NUP98: variants seen among roughly 807,000 people sequenced by gnomAD.
The protein encoded by NUP98 is nucleoporin 98 and 96 precursor, also known as nuclear pore complex protein Nup98-Nup96.
In NUP98, 26 loss-of-function variants were observed where a neutral mutation model predicts 191.9. That is an observed-to-expected ratio of 0.14 (90% CI 0.10 to 0.19). NUP98 has a LOEUF of 0.19. Ranked by LOEUF, NUP98 falls within the 10% of genes least tolerant of loss-of-function variation. The pLI, the probability that NUP98 is intolerant of heterozygous loss-of-function variation, is 1.00. For synonymous variants in NUP98, 808 were observed against 778.4 expected (o/e 1.04, Z -0.63); for missense variants, 1,941 against 2,178.8 (o/e 0.89, Z 2.17).
At chr11:3,735,998 C>G (rs1328821701) in intron 12 of NUP98, among the ~76,000 whole-genome samples, 1 of 150,890 alleles carries the variant, frequency 6.6e-6, no homozygotes, top group Non-Finnish European at 1.5e-5. Context: ...TGCCTCCAGG[C>G]TCAAGTGATC....
At chr11:3,717,258 G>C (rs1171710669) in intron 18 of NUP98, among the ~76,000 whole-genome samples, 2 of 151,932 alleles carry the variant, frequency 1.3e-5, no homozygotes, top group African/African-American at 2.4e-5. Context: ...TAGGCCTCCC[G>C]AAGTGCTGGG....
chr11:3,711,568 C>T (rs112510725), intron 20 of NUP98: 10,497 of 153,292 alleles, frequency 0.068, 378 homozygotes, highest in Middle Eastern at 0.1. Flanking sequence ...CTCAGAAATA[C>T]ATATATTTAT....
At chr11:3,726,450 C>G (rs892083554) in intron 14 of NUP98, among the ~76,000 whole-genome samples, 1 of 140,190 alleles carries the variant, frequency 7.1e-6, no homozygotes, top group Admixed American at 7.2e-5. Flanking sequence ...CCTGGTCAAA[C>G]AGAAAAAGAG....
At chr11:3,696,020 C>T (rs943067595) in intron 25 of NUP98, among the ~76,000 whole-genome samples, 2 of 151,742 alleles carry the variant, frequency 1.3e-5, no homozygotes, top group South Asian at 2.1e-4. Context: ...GGTGAAACCC[C>T]GTCCCTACTA....
chr11:3,753,392 G>A lies in NUP98; in HGVS notation c.1191C>T (p.Thr397=), dbSNP rs757685415. 2 of 1,613,290 alleles carry A rather than the reference G, an allele frequency of 1.2e-6. No individual in the cohort carries two copies. The highest frequency in any genetic ancestry group is 2.2e-5 in the East Asian group (1 of 44,856). ...SGGLFGFGTN[T]SGNSIFGSKP... The stretch of plus-strand genomic sequence containing the variant: ...TACTTCCAAAAATACTATTCCCACT[G>A]GTATTTGTGCCAAAACCTAGGAAGA... Residue 397 remains threonine, a synonymous_variant, in exon 11 of 33, where the codon ACC becomes ACT. Coordinates refer to ENST00000324932, the MANE Select transcript of NUP98 (RefSeq NM_016320.5).
At chr11:3,746,175 A>G (rs1183918602) in intron 11 of NUP98, among the ~76,000 whole-genome samples, 1 of 150,272 alleles carries the variant, frequency 6.7e-6, no homozygotes, top group Admixed American at 6.7e-5. Context: ...AGGCTGAGGC[A>G]GGAGAATCGC....
chr11:3,689,301 C>T (rs1052490057), intron 28 of NUP98, among the ~76,000 whole-genome samples: 1 of 151,938 alleles, frequency 6.6e-6, no homozygotes, highest in African/African-American at 2.4e-5. Flanking sequence ...CTGAGGTGGG[C>T]AGATCACGAG....
chr11:3,790,453 C>T (rs1236423531), intron 1 of NUP98, among the ~76,000 whole-genome samples: 1 of 152,072 alleles, frequency 6.6e-6, no homozygotes, highest in Non-Finnish European at 1.5e-5. Context: ...CCCAAAGACC[C>T]CTAAAAGTCC....
At position 3,797,524 on chromosome 11, in the gene NUP98, T is replaced by C. The variant is rs971748882; in HGVS notation, c.-153A>G. 2 of 442,568 alleles carry C rather than the reference T, an allele frequency of 4.5e-6. No homozygotes were observed. The highest frequency in any genetic ancestry group is 4.4e-5 in the Admixed American group (1 of 22,912). 27.4% of individuals were successfully genotyped at this position (442,568 alleles called of 1,614,324 possible). On this transcript the variant is annotated 5_prime_UTR_variant, in exon 1 of 33. Coordinates refer to ENST00000324932, the MANE Select transcript of NUP98 (RefSeq NM_016320.5). ...TACCACCCCTGCCACCGACCGCCGC[T>C]TCGGGCGCAGCGCGCAGAGGGCCCG...
chr11:3,676,218 C>T lies in NUP98; in HGVS notation c.5344G>A (p.Asp1782Asn). The change falls in exon 33 of 33, where the codon GAC becomes AAC. Residue 1782 changes from aspartate (D) to asparagine (N), a missense_variant. Around this residue, in one of 6 missense-constraint regions of NUP98, gnomAD observed 1,030 missense variants for 1,115.8 expected, o/e 0.92. Coordinates refer to ENST00000324932, the MANE Select transcript of NUP98 (RefSeq NM_016320.5). ...RLPMPEDYAM[D>N]ELRSLTQSYL... is the part of the protein sequence containing the mutation. The stretch of plus-strand genomic sequence containing the variant: ...GACTGGGTAAGGCTGCGCAGTTCGT[C>T]CATGGCATAGTCCTCAGGCATGGGA... 1 of 1,614,166 alleles carries T rather than the reference C, an allele frequency of 6.2e-7. No homozygotes were observed. The highest frequency in any genetic ancestry group is 1.1e-5 in the South Asian group (1 of 91,084).
intron 7 of NUP98, among the ~76,000 whole-genome samples, chr11:3,769,241 A>G (rs1421971800): frequency 6.6e-6 from 1 of 152,184 alleles, no homozygotes; most frequent in Non-Finnish European, 1.5e-5. Flanking sequence ...CCTAGGCAAC[A>G]CAATGGGACC....
rs148265174 is a variant in NUP98, at chr11:3,675,175, C to A, written c.*984G>T. The A allele has an allele frequency of 1.1e-4, 22 of 207,714 alleles. No individual in the cohort carries two copies. Among genetic ancestry groups the A allele is most frequent in the African/African-American group, 4.8e-4 (21 of 43,876 alleles). The allele number at this position is 207,714 out of a possible 1,614,324, so 12.9% of individuals were successfully genotyped here. A position where few individuals can be genotyped will look rare whatever the true frequency, so the allele number is the denominator to read the frequency against. ...GGTGTGGCCATATTGCCTGAGATAG[C>A]CCTAACACCAGCTATCTCATGCCAT... On this transcript the variant is annotated 3_prime_UTR_variant, in exon 33 of 33. Transcript: ENST00000324932.
chr11:3,677,886 A>C (rs1424294491), intron 31 of NUP98, among the ~76,000 whole-genome samples: 6 of 152,232 alleles, frequency 3.9e-5, no homozygotes, highest in Admixed American at 3.9e-4. Flanking sequence ...TGAGGATAAT[A>C]ATAGATAACA....
intron 8 of NUP98, among the ~76,000 whole-genome samples, chr11:3,764,899 T>C (rs1341345516): frequency 6.6e-6 from 1 of 152,144 alleles, no homozygotes; most frequent in South Asian, 2.1e-4. Flanking sequence ...TTTTATTGTA[T>C]CTTTCAAATA....
intron 14 of NUP98, among the ~76,000 whole-genome samples, chr11:3,728,464 G>C (rs1448686091): frequency 6.6e-6 from 1 of 152,214 alleles, no homozygotes; most frequent in Non-Finnish European, 1.5e-5. Context: ...GGCTGGGTGC[G>C]GCGGCTCACG....
chr11:3,756,195 G>A (rs1238588326), intron 10 of NUP98, among the ~76,000 whole-genome samples: 4 of 152,028 alleles, frequency 2.6e-5, no homozygotes, highest in Non-Finnish European at 4.4e-5. Flanking sequence ...GGATCTTACA[G>A]TCCCATAAGC....
chr11:3,705,271 T>C lies in NUP98; in HGVS notation c.3011A>G (p.Asp1004Gly), dbSNP rs750797963. The C allele has an allele frequency of 6.2e-7, 1 of 1,614,088 alleles. No individual in the cohort carries two copies. The highest frequency in any genetic ancestry group is 1.3e-5 in the African/African-American group (1 of 74,936). Reference protein sequence around the residue: ...QRFSRLPSKADTSQEICSPRL... With the variant: ...QRFSRLPSKAGTSQEICSPRL... ...GGGAGAACAGATTTCTTGAGAAGTA[T>C]CTGCTTTGGAAGGCAGGCGACTGAA... Residue 1004 changes from aspartate (D) to glycine (G), a missense_variant, in exon 22 of 33, where the codon GAT (aspartate) becomes GGT (glycine). This residue lies in a region of NUP98 where 1,030 missense variants were observed against 1,115.8 expected (regional missense o/e 0.92). Coordinates refer to ENST00000324932, the MANE Select transcript of NUP98 (RefSeq NM_016320.5).
chr11:3,752,420 GGGA>G (rs1008989210), intron 11 of NUP98, among the ~76,000 whole-genome samples: 8 of 152,030 alleles, frequency 5.3e-5, no homozygotes, highest in South Asian at 4.1e-4. Flanking sequence ...GGAAGGCTGA[GGGA>G]GGAGAATTGC....
At chr11:3,708,323 A>C (rs1031431774) in intron 20 of NUP98, among the ~76,000 whole-genome samples, 9 of 152,236 alleles carry the variant, frequency 5.9e-5, no homozygotes, top group Non-Finnish European at 1.0e-4. Context: ...AGTGGTTCCA[A>C]TTTACTATAC....
Sources: allele counts gnomAD v4.1 joint callset (sites outside exome capture counted in the v4.1 genomes callset), GRCh38; gene constraint gnomAD v4.1.1; regional missense constraint gnomAD v4.1.1; transcripts MANE v1.5; gene names NCBI Gene and HGNC (gene_info 2026-07-23, HGNC 2026-07-21).